The following KCNIP3 variants were observed in gnomAD, a reference collection of about 807,000 sequenced individuals.
The protein encoded by KCNIP3 is calsenilin.
KCNIP3 carries 28 observed loss-of-function variants against 35.0 expected under a neutral mutation model. The observed-to-expected ratio is 0.80, with a 90% confidence interval of 0.59 to 1.10. The LOEUF (loss-of-function observed/expected upper bound fraction) is 1.10, where lower values mean the gene tolerates loss of function less well. Among genes scored for constraint, KCNIP3 ranks in the 50% least tolerant of loss-of-function variants. The pLI is 0.00. For synonymous variants in KCNIP3, 134 were observed against 133.8 expected, an observed-to-expected ratio of 1.00 and a Z score of -0.01; for missense variants, 295 against 338.4, an observed-to-expected ratio of 0.87 and a Z score of 1.01.
chr2:95,321,882 C>T (rs1424274698), intron 2 of KCNIP3, among the ~76,000 whole-genome samples: 1 of 152,086 alleles, frequency 6.6e-6, no homozygotes, highest in Non-Finnish European at 1.5e-5. Flanking sequence ...TCTGCCCCTC[C>T]GAGAGTCAGA....
intron 2 of KCNIP3, among the ~76,000 whole-genome samples, chr2:95,367,397 G>A (rs1458498076): frequency 2.0e-5 from 3 of 152,156 alleles, no homozygotes; most frequent in African/African-American, 7.2e-5. Flanking sequence ...TTGTCTGTAT[G>A]TACAAAAAAA....
chr2:95,375,989 G>A (rs988707574), intron 5 of KCNIP3, among the ~76,000 whole-genome samples: 1 of 152,204 alleles, frequency 6.6e-6, no homozygotes, highest in African/African-American at 2.4e-5. Context: ...CGGCCACACG[G>A]GGTAATAATA....
intron 2 of KCNIP3, among the ~76,000 whole-genome samples, chr2:95,351,451 G>T (rs1398720520): frequency 2.0e-5 from 3 of 152,242 alleles, no homozygotes; most frequent in Non-Finnish European, 4.4e-5. Flanking sequence ...CTGTTGGTTT[G>T]CAGTGGGGCA....
At chr2:95,314,179 C>T (rs1450545742) in intron 2 of KCNIP3, among the ~76,000 whole-genome samples, 1 of 151,956 alleles carries the variant, frequency 6.6e-6, no homozygotes, top group Non-Finnish European at 1.5e-5. Flanking sequence ...AGAAAGGCAT[C>T]GGAACAAAAG....
At chr2:95,335,236 T>G (rs1397608166) in intron 2 of KCNIP3, among the ~76,000 whole-genome samples, 1 of 152,222 alleles carries the variant, frequency 6.6e-6, no homozygotes, top group Non-Finnish European at 1.5e-5. Flanking sequence ...AAATTTTACC[T>G]GTTCAGTACT....
chr2:95,325,654 TAG>T (rs1298253331), intron 2 of KCNIP3, among the ~76,000 whole-genome samples: 1 of 149,382 alleles, frequency 6.7e-6, no homozygotes, highest in African/African-American at 2.5e-5. Flanking sequence ...TACACACAAA[TAG>T]ATACACACTC....
intron 2 of KCNIP3, among the ~76,000 whole-genome samples, chr2:95,321,345 C>T (rs961169306): frequency 5.3e-5 from 8 of 152,186 alleles, no homozygotes; most frequent in South Asian, 2.1e-4. Flanking sequence ...ATGGAGTTCA[C>T]GTCAAGAGAG....
chr2:95,345,644 C>G (rs1484229816), intron 2 of KCNIP3, among the ~76,000 whole-genome samples: 1 of 152,262 alleles, frequency 6.6e-6, no homozygotes, highest in East Asian at 1.9e-4. Flanking sequence ...AGGTGCGGGC[C>G]GTAGCCGCGC....
At chr2:95,352,173 G>C (rs1679542522) in intron 2 of KCNIP3, among the ~76,000 whole-genome samples, 2 of 152,184 alleles carry the variant, frequency 1.3e-5, no homozygotes, top group Admixed American at 1.3e-4. Flanking sequence ...TGAGGCAAGA[G>C]AATCACTTGA....
intron 2 of KCNIP3, among the ~76,000 whole-genome samples, chr2:95,334,967 G>A (rs1362491233): frequency 6.6e-6 from 1 of 152,242 alleles, no homozygotes; most frequent in African/African-American, 2.4e-5. Flanking sequence ...TATTCCCAGA[G>A]CTATGCAGTG....
At chr2:95,302,530 G>T (rs1399553789) in intron 1 of KCNIP3, among the ~76,000 whole-genome samples, 1 of 152,234 alleles carries the variant, frequency 6.6e-6, no homozygotes, top group Non-Finnish European at 1.5e-5. Context: ...GGCATGCTAG[G>T]CTGTGGGTTT....
Position 95,384,028 on chromosome 2 carries a change from G to C in KCNIP3, c.750G>C (p.Gln250His). 6.2e-7 allele frequency: 1 copy of C among 1,614,050 alleles called. No homozygotes were observed. Among genetic ancestry groups the C allele is most frequent in the South Asian group, 1.1e-5 (1 of 91,086 alleles). ...QKDENIMSSM[Q>H]LFENVI ...ATGAGAACATCATGAGCTCCATGCA[G>C]CTGTTTGAGAATGTCATCTAGGACA... is the stretch of plus-strand genomic sequence containing the variant. The change falls in exon 9 of 9, where the codon CAG becomes CAC. Residue 250 changes from glutamine to histidine, a missense_variant. Physicochemically the swap from Gln to His is conservative, Grantham distance 24. Coordinates refer to ENST00000295225, the MANE Select transcript of KCNIP3 (RefSeq NM_013434.5).
At position 95,375,158 on chromosome 2, in the gene KCNIP3, T is replaced by G. The variant is rs758993524; in HGVS notation, c.397T>G (p.Phe133Val). Residue 133 changes from phenylalanine (F) to valine (V), a missense_variant, in exon 5 of 9, where the codon TTC becomes GTC. By Grantham distance (50) the Phe-to-Val change is conservative. Transcript: ENST00000295225. ...CCCAGATGCCACCACCTATGCACACTTCCTCTTCAACGCCTTTGATGCGGA... is the reference window on the plus strand; with the variant it reads ...CCCAGATGCCACCACCTATGCACACGTCCTCTTCAACGCCTTTGATGCGGA... ...PQGDATTYAHFLFNAFDADGN... is the reference protein window; with the variant it reads ...PQGDATTYAHVLFNAFDADGN... 3.7e-6 allele frequency: 6 copies of G among 1,614,148 alleles called. No individual in the cohort carries two copies. The East Asian group carries it at 1.3e-4, about 36-fold the overall frequency.
chr2:95,325,141 G>A (rs936411892), intron 2 of KCNIP3, among the ~76,000 whole-genome samples: 7 of 152,172 alleles, frequency 4.6e-5, no homozygotes, highest in African/African-American at 2.4e-5. Flanking sequence ...GTGCAGCCAC[G>A]CTGGTGGGGT....
intron 1 of KCNIP3, 33 bp downstream of exon 1, chr2:95,297,486 AG>A: frequency 1.1e-4 from 14 of 127,460 alleles, no homozygotes; most frequent in Admixed American, 1.8e-4. Context: ...CTTGCTCTGG[AG>A]GGGGGTCGGG....
chr2:95,351,433 G>A (rs1378064935), intron 2 of KCNIP3, among the ~76,000 whole-genome samples: 4 of 152,186 alleles, frequency 2.6e-5, no homozygotes, highest in Admixed American at 6.5e-5. Flanking sequence ...TGCATTTCCC[G>A]GGGAGAGCTG....
chr2:95,330,937 T>C (rs966709474), intron 2 of KCNIP3, among the ~76,000 whole-genome samples: 3 of 152,164 alleles, frequency 2.0e-5, no homozygotes, highest in Non-Finnish European at 1.5e-5. Context: ...AGAAATTACC[T>C]AGGACTGGGA....
chr2:95,301,263 C>T (rs1468813137), intron 1 of KCNIP3, among the ~76,000 whole-genome samples: 1 of 152,238 alleles, frequency 6.6e-6, no homozygotes, highest in East Asian at 1.9e-4. Context: ...GCCTGGCTGA[C>T]TCAAGTCAGG....
intron 2 of KCNIP3, chr2:95,347,056 G>A (rs755389434): frequency 6.2e-6 from 10 of 1,611,832 alleles, no homozygotes; most frequent in South Asian, 1.1e-5. Context: ...CGCCATGGCC[G>A]TGGTGGTGCT....
Sources: allele counts gnomAD v4.1 joint callset (sites outside exome capture counted in the v4.1 genomes callset), GRCh38; gene constraint gnomAD v4.1.1; transcripts MANE v1.5; gene names NCBI Gene and HGNC (gene_info 2026-07-23, HGNC 2026-07-21).